The following IL32 variants were observed in gnomAD, a reference collection of about 807,000 sequenced individuals.
IL32 encodes interleukin 32.
IL32 carries 30 observed loss-of-function variants against 16.6 expected under a neutral mutation model. The observed-to-expected ratio is 1.81, with a 90% CI of 1.35 to 2.45. The LOEUF (loss-of-function observed/expected upper bound fraction) is 2.45, where lower values mean the gene tolerates loss of function less well. Among genes scored for constraint, IL32 ranks in the 30% most tolerant of loss-of-function variants. The pLI is 0.00. For synonymous variants in IL32, 70 were observed against 86.1 expected (o/e 0.81, Z 1.03); for missense variants, 234 against 229.8 (o/e 1.02, Z -0.12).
intron 4 of IL32, 49 bp downstream of exon 4, chr16:3,067,662 G>C (rs1194903592): frequency 2.9e-6 from 4 of 1,369,874 alleles, no homozygotes; most frequent in African/African-American, 2.9e-5. Flanking sequence ...CCGCCCCCAG[G>C]CACTCCACCC....
intron 6 of IL32, 84 bp downstream of exon 6, chr16:3,068,323 T>A: frequency 7.7e-7 from 1 of 1,292,234 alleles, no homozygotes; most frequent in Non-Finnish European, 1.1e-6. Flanking sequence ...TTTGTTTATT[T>A]GAGACAGAGT....
Position 3,069,468 on chromosome 16 carries a change from C to A in IL32, c.*113C>A. ...ACACTCAGTCCCCCTGCCTGGCGTT[C>A]CTGCCGCAGCTCTGACCTGGTGCTG... On this transcript the variant is annotated 3_prime_UTR_variant, in exon 7 of 7. Transcript: ENST00000525643. The A allele has an allele frequency of 7.8e-7, 1 of 1,288,578 alleles. No individual in the cohort carries two copies. Among genetic ancestry groups the A allele is most frequent in the Non-Finnish European group, 1.1e-6 (1 of 934,526 alleles). 79.8% of individuals were successfully genotyped at this position (1,288,578 alleles called of 1,614,324 possible).
chr16:3,066,877 ATG>A (rs1491587480), intron 2 of IL32, among the ~76,000 whole-genome samples: 1 of 151,376 alleles, frequency 6.6e-6, no homozygotes, highest in Non-Finnish European at 1.5e-5. Flanking sequence ...GTGTGTGTAC[ATG>A]GGGGGGTGTG....
chr16:3,068,308 T>C, intron 6 of IL32, 69 bp downstream of exon 6: 4 of 1,393,992 alleles, frequency 2.9e-6, no homozygotes, highest in Non-Finnish European at 4.0e-6. Flanking sequence ...CTTTCTTTCT[T>C]TCTTTTTGTT....
At chr16:3,068,795 A>T in intron 6 of IL32, 195 bp from the exon 7 acceptor site, 1 of 841,244 alleles carries the variant, frequency 1.2e-6, no homozygotes, top group Non-Finnish European at 1.8e-6. Flanking sequence ...CCATCCTGTC[A>T]CTGCCATGGA....
intron 6 of IL32, 147 bp downstream of exon 6, chr16:3,068,386 A>G: frequency 1.4e-6 from 1 of 718,458 alleles, no homozygotes; most frequent in South Asian, 1.7e-5. Flanking sequence ...GCTCACTGCA[A>G]CCTCCAAATC....
At chr16:3,067,505 G>A (rs778976584) in intron 3 of IL32, 49 bp from the exon 4 acceptor site, 141 of 1,613,924 alleles carry the variant, frequency 8.7e-5, no homozygotes, top group Non-Finnish European at 1.1e-4. Context: ...TGGGACCCTG[G>A]AGGGACAAGG....
intron 2 of IL32, among the ~76,000 whole-genome samples, chr16:3,066,048 C>G (rs755328474): frequency 6.6e-6 from 1 of 152,156 alleles, no homozygotes; most frequent in Non-Finnish European, 1.5e-5. Context: ...GAGGGAGCAC[C>G]TGTCCCAGGA....
chr16:3,067,289 G>GTGTCTC (rs1555442516), intron 2 of IL32, 88 bp from the exon 3 acceptor site: 5 of 559,098 alleles, frequency 8.9e-6, no homozygotes, highest in Admixed American at 3.7e-5. Flanking sequence ...GTGTGTGTGT[G>GTGTCTC]TGTGTGTGTG....
In IL32 at chr16:3,067,890, G is replaced by C. The variant is rs549490443; in HGVS notation, c.115-94G>C. 9 of 1,427,152 alleles carry C rather than the reference G, an allele frequency of 6.3e-6. No individual in the cohort carries two copies. The East Asian group carries it at 1.4e-4, about 22-fold the overall frequency. 88.4% of individuals were successfully genotyped at this position (1,427,152 alleles called of 1,614,324 possible). A position where few individuals can be genotyped will look rare whatever the true frequency, so the allele number is the denominator to read the frequency against. ...CCCCTGGCTGGGCCCAGTTCGGGGT[G>C]TGTGGGAGCTGAGGACTCACTGGGC... On this transcript the variant is annotated intron_variant, in intron 4 of 6. Coordinates refer to ENST00000525643, the MANE Select transcript of IL32 (RefSeq NM_001376923.1).
At chr16:3,068,948 C>T (rs1956745585) in intron 6 of IL32, 42 bp from the exon 7 acceptor site, 1 of 1,599,958 alleles carries the variant, frequency 6.3e-7, no homozygotes, top group East Asian at 2.2e-5. Flanking sequence ...CTGGGGCTGA[C>T]ACCCCCACCT....
chr16:3,069,310 G>T lies in IL32; in HGVS notation c.522G>T (p.Glu174Asp). The T allele has an allele frequency of 6.3e-7, 1 of 1,595,208 alleles. No homozygotes were observed. Residue 174 changes from glutamate to aspartate, a missense_variant, in exon 7 of 7, where the codon GAG becomes GAT. Around this residue, in one of 3 missense-constraint regions of IL32, gnomAD observed 53 missense variants for 46.1 expected, o/e 1.15. Coordinates refer to ENST00000525643, the MANE Select transcript of IL32 (RefSeq NM_001376923.1). ...QSYGAPRGDK[E>D]ELTPQKCSEP... ...ACGGAGCCCCACGGGGGGACAAGGA[G>T]GAGCTGACACCCCAGAAGTGCTCTG... is the stretch of plus-strand genomic sequence containing the variant.
At chr16:3,067,833 G>A in intron 4 of IL32, 151 bp from the exon 5 acceptor site, 3 of 967,952 alleles carry the variant, frequency 3.1e-6, no homozygotes, top group Non-Finnish European at 4.9e-6. Context: ...GGCTCCTTGA[G>A]GAAACAACAG....
intron 1 of IL32, 47 bp downstream of exon 1, chr16:3,065,734 G>T (rs575128686): frequency 5.2e-5 from 81 of 1,567,408 alleles, no homozygotes; most frequent in Non-Finnish European, 6.2e-6. Context: ...GGGGAGGAGG[G>T]TGCTTCTCTG....
chr16:3,067,117 T>C (rs2717673), intron 2 of IL32, among the ~76,000 whole-genome samples: 8,096 of 25,030 alleles, frequency 0.32, 1,970 homozygotes, highest in East Asian at 0.5. Flanking sequence ...CCTAGGCCCA[T>C]GCTGGCCCTG....
intron 2 of IL32, among the ~76,000 whole-genome samples, chr16:3,066,181 G>T (rs1423085503): frequency 6.6e-6 from 1 of 152,154 alleles, no homozygotes; most frequent in Non-Finnish European, 1.5e-5. Flanking sequence ...GCCTGTGTGG[G>T]TCCTGGTGTC....
At chr16:3,066,811 G>C (rs1017688693) in intron 2 of IL32, among the ~76,000 whole-genome samples, 2 of 152,062 alleles carry the variant, frequency 1.3e-5, no homozygotes, top group African/African-American at 4.8e-5. Flanking sequence ...TGGGACCATA[G>C]TGGTTGTGGG....
At chr16:3,067,450 G>A (rs1199920264) in intron 3 of IL32, 35 bp downstream of exon 3, 2 of 1,611,030 alleles carry the variant, frequency 1.2e-6, no homozygotes, top group Admixed American at 1.7e-5. Context: ...CAGGGGTTGG[G>A]GGCCTGGGTC....
At position 3,068,182 on chromosome 16, in the gene IL32, C is replaced by T. The variant is rs369093137; in HGVS notation, c.144C>T (p.Asp48=). ...CCCCTGTGCCCTCCTCTCCCCAGGA[C>T]GACTTCAAAGAGGGCTACCTGGAGA... The part of the protein sequence containing the change: ...QVMSSLAELE[D]DFKEGYLETV... Residue 48 remains aspartate, a splice_region_variant and synonymous_variant, in exon 6 of 7, where the codon GAC becomes GAT. Transcript: ENST00000525643. The T allele has an allele frequency of 9.0e-5, 145 of 1,603,916 alleles. No homozygotes were observed. In the East Asian group the frequency reaches 1.4e-3, roughly 16 times the overall value.
Sources: allele counts gnomAD v4.1 joint callset (sites outside exome capture counted in the v4.1 genomes callset), GRCh38; gene constraint gnomAD v4.1.1; regional missense constraint gnomAD v4.1.1; transcripts MANE v1.5; gene names NCBI Gene and HGNC (gene_info 2026-07-23, HGNC 2026-07-21).